Variants in CDH13 observed in about 807,000 individuals in gnomAD.
The protein encoded by CDH13 is cadherin-13.
Under a neutral mutation model 63.8 loss-of-function variants are expected in CDH13, and 24 were observed. That is an observed-to-expected ratio of 0.38 (90% CI 0.27 to 0.53). CDH13 has a LOEUF of 0.53. CDH13 is among the 20% of genes least tolerant of loss of function. CDH13 has a pLI of 0.85. For synonymous variants in CDH13, 503 were observed against 355.3 expected (o/e 1.42, Z -4.67); for missense variants, 1,049 against 903.1 (o/e 1.16, Z -2.07).
intron 1 of CDH13, among the ~76,000 whole-genome samples, chr16:82,757,885 G>A (rs1414022539): frequency 1.3e-5 from 2 of 152,070 alleles, no homozygotes; most frequent in Non-Finnish European, 2.9e-5. Context: ...TCTTGACCTC[G>A]TGATCCGCCC....
chr16:83,310,443 A>G (rs949766051), intron 5 of CDH13, among the ~76,000 whole-genome samples: 1 of 152,228 alleles, frequency 6.6e-6, no homozygotes, highest in Non-Finnish European at 1.5e-5. Context: ...ACAGATGCAT[A>G]TTTGTGTGGA....
intron 5 of CDH13, among the ~76,000 whole-genome samples, chr16:83,284,914 G>T (rs2089270660): frequency 1.3e-5 from 2 of 152,196 alleles, no homozygotes; most frequent in African/African-American, 2.4e-5. Flanking sequence ...AACTGGATAG[G>T]TTCTCTTGAG....
At position 83,086,248 on chromosome 16, in the gene CDH13, C is replaced by G. The variant is rs181077370; in HGVS notation, c.367-39137C>G. Reference sequence around the variant, plus strand: ...ACTACAAAACAGTCAAGACATTTCCCCAAGCAAACTCAGAAAAATATTAAG... The same window carrying G: ...ACTACAAAACAGTCAAGACATTTCCGCAAGCAAACTCAGAAAAATATTAAG... On this transcript the variant is annotated intron_variant, in intron 3 of 13. Coordinates refer to ENST00000567109, the MANE Select transcript of CDH13 (RefSeq NM_001257.5). Among the ~76,000 whole-genome samples, 14 of 152,288 alleles carry G rather than the reference C, an allele frequency of 9.2e-5. No homozygotes were observed. The East Asian group carries it at 2.7e-3, about 29-fold the overall frequency.
intron 8 of CDH13, chr16:83,655,133 A>G (rs2150826931): frequency 6.6e-6 from 1 of 152,364 alleles, no homozygotes; most frequent in South Asian, 2.1e-4. Context: ...ACACTGAGTG[A>G]TGAGAAACTT....
intron 2 of CDH13, among the ~76,000 whole-genome samples, chr16:82,900,102 A>G (rs927994675): frequency 6.6e-6 from 1 of 152,104 alleles, no homozygotes; most frequent in African/African-American, 2.4e-5. Flanking sequence ...CAAATATACC[A>G]TGTTCCTTAC....
In CDH13 at chr16:83,047,142, T is replaced by C. The variant is rs1307051021; in HGVS notation, c.366+14924T>C. On this transcript the variant is annotated intron_variant, in intron 3 of 13. Coordinates refer to ENST00000567109, the MANE Select transcript of CDH13 (RefSeq NM_001257.5). The surrounding 1 kb of genome is among the most constrained non-coding windows in gnomAD (Gnocchi z 4.9). ...GATATAAAGCTTTAAACAGTAGTAGTTCTCCGTGAGACCCAAGGAAAGGTC... is the reference window on the plus strand; with the variant it reads ...GATATAAAGCTTTAAACAGTAGTAGCTCTCCGTGAGACCCAAGGAAAGGTC... 3.3e-5 allele frequency among the ~76,000 whole-genome samples: 5 copies of C among 152,198 alleles called. No individual in the cohort carries two copies. The highest frequency in any genetic ancestry group is 4.8e-5 in the African/African-American group (2 of 41,444).
intron 5 of CDH13, among the ~76,000 whole-genome samples, chr16:83,331,400 T>C (rs938020750): frequency 2.0e-5 from 3 of 152,204 alleles, no homozygotes; most frequent in African/African-American, 4.8e-5. Context: ...ATACTGATGA[T>C]GTCCTATGTA....
At position 83,162,434 on chromosome 16, in the gene CDH13, TGTTGAGTG is replaced by T. The variant is rs2037487510; in HGVS notation, c.483+36937_483+36944del. 2.0e-5 allele frequency among the ~76,000 whole-genome samples: 3 copies of T among 152,192 alleles called. No individual in the cohort carries two copies. The South Asian group carries it at 6.2e-4, about 32-fold the overall frequency. On this transcript the variant is annotated intron_variant, in intron 4 of 13. Coordinates refer to ENST00000567109, the MANE Select transcript of CDH13 (RefSeq NM_001257.5). Reference sequence around the variant, plus strand: ...AGATATTTACACTGAAGTTCAGAGTTGTTGAGTGGTTTACCCAAGAATACGTAGCAAGT... The same window carrying T: ...AGATATTTACACTGAAGTTCAGAGTTGTTTACCCAAGAATACGTAGCAAGT...
chr16:83,399,838 A>G (rs1396360936), intron 6 of CDH13, among the ~76,000 whole-genome samples: 1 of 152,168 alleles, frequency 6.6e-6, no homozygotes, highest in Non-Finnish European at 1.5e-5. Flanking sequence ...TCACACAAGC[A>G]GGCATTCAAA....
At chr16:83,496,663 G>A (rs1457232926) in intron 7 of CDH13, among the ~76,000 whole-genome samples, 1 of 152,148 alleles carries the variant, frequency 6.6e-6, no homozygotes, top group Non-Finnish European at 1.5e-5. Context: ...TGACAAATGG[G>A]ATCTAATTAA....
chr16:82,699,373 A>G (rs971984159), intron 1 of CDH13, among the ~76,000 whole-genome samples: 3 of 152,156 alleles, frequency 2.0e-5, no homozygotes, highest in African/African-American at 7.2e-5. Flanking sequence ...TCCTGAGAAC[A>G]TACACTCTGC....
chr16:83,356,170 G>A (rs966699940), intron 6 of CDH13, among the ~76,000 whole-genome samples: 2 of 151,778 alleles, frequency 1.3e-5, no homozygotes, highest in Admixed American at 6.6e-5. Flanking sequence ...TTAAATGTAA[G>A]AGAGCATTTT....
chr16:82,937,438 GACAC>G (rs10626791), intron 2 of CDH13, among the ~76,000 whole-genome samples: 292 of 146,914 alleles, frequency 2.0e-3, no homozygotes, highest in Middle Eastern at 7.1e-3. Context: ...CACACACACA[GACAC>G]ACACACACAC....
intron 7 of CDH13, among the ~76,000 whole-genome samples, chr16:83,570,695 AT>A (rs1904500096): frequency 6.9e-6 from 1 of 145,392 alleles, no homozygotes; most frequent in African/African-American, 2.5e-5. Context: ...AAAAATTTAA[AT>A]TTATTATTTA....
At chr16:83,445,694 TCA>T (rs1258404527) in intron 6 of CDH13, among the ~76,000 whole-genome samples, 6 of 152,226 alleles carry the variant, frequency 3.9e-5, no homozygotes, top group Admixed American at 2.0e-4. Context: ...GATGTTTTCA[TCA>T]CGTGGCTAAG....
At chr16:83,761,586 C>T (rs147920535) in intron 11 of CDH13, among the ~76,000 whole-genome samples, 2 of 152,292 alleles carry the variant, frequency 1.3e-5, no homozygotes, top group African/African-American at 2.4e-5. Flanking sequence ...CTTATTTGAA[C>T]GCTATTTGAA....
intron 1 of CDH13, among the ~76,000 whole-genome samples, chr16:82,746,838 G>C (rs2034197913): frequency 1.3e-5 from 2 of 152,146 alleles, no homozygotes; most frequent in Non-Finnish European, 2.9e-5. Context: ...TGGTGTGATA[G>C]AGATTTTTTG....
At chr16:83,604,621 T>C (rs1862726) in intron 8 of CDH13, among the ~76,000 whole-genome samples, 22,249 of 152,186 alleles carry the variant, frequency 0.15, 3,044 homozygotes, top group African/African-American at 0.36. Flanking sequence ...TTTTCTAGGC[T>C]ACCTTATATG....
At chr16:83,053,472 G>A (rs2030599715) in intron 3 of CDH13, among the ~76,000 whole-genome samples, 1 of 152,126 alleles carries the variant, frequency 6.6e-6, no homozygotes, top group Non-Finnish European at 1.5e-5. Flanking sequence ...AAGGTAAAGT[G>A]AAGTATAGGA....
Sources: gnomAD v4.1 joint callset for allele counts (sites outside exome capture counted in the v4.1 genomes callset) on GRCh38, gnomAD v4.1.1 for gene constraint, Gnocchi (gnomAD v3.1) non-coding constraint, MANE v1.5 for transcripts, NCBI Gene and HGNC (gene_info 2026-07-23, HGNC 2026-07-21) for gene names.